Variants in ARL8A observed in about 807,000 individuals in gnomAD.
The protein encoded by ARL8A is ARF like GTPase 8A, also known as ADP-ribosylation factor-like protein 8A.
ARL8A carries 10 observed loss-of-function variants against 31.2 expected under a neutral mutation model. The observed-to-expected ratio is 0.32, with a 90% CI of 0.20 to 0.54. ARL8A has a LOEUF of 0.54. ARL8A is among the 20% of genes least tolerant of loss of function. The pLI is 0.93. For synonymous variants in ARL8A, 70 were observed against 86.9 expected (o/e 0.81, Z 1.08); for missense variants, 129 against 242.8 (o/e 0.53, Z 3.12).
In ARL8A at chr1:202,144,216, C is replaced by A. The variant is rs112856357; in HGVS notation, c.123+234G>T. Among the ~76,000 whole-genome samples, 7,882 of 152,134 alleles carry A rather than the reference C, an allele frequency of 0.052. 575 individuals carry two copies. Among genetic ancestry groups the A allele is most frequent in the African/African-American group, 0.15 (6,388 of 41,526 alleles). ...GTCTGTTCGTCCCCCTTCCCCTGCC[C>A]CCAGCCGTGCAGTACCGGCCCGGGT... On this transcript the variant is annotated intron_variant, in intron 1 of 6. Transcript: ENST00000272217. This position sits in a 1 kb window ranked among gnomAD's most constrained non-coding sequence, Gnocchi z 5.2.
In ARL8A at chr1:202,138,063, C is replaced by T. The variant is rs756723837; in HGVS notation, c.205-25G>A. The T allele has an allele frequency of 1.9e-6, 3 of 1,613,654 alleles. No homozygotes were observed. In the Admixed American group the frequency reaches 5.0e-5, roughly 27 times the overall value. ...GCTGAGCAAGAAGAGGGTGAGATAG[C>T]CTCAGTAGTGGGCAGGCCACCAAAA... On this transcript the variant is annotated intron_variant, in intron 2 of 6. Coordinates refer to ENST00000272217, the MANE Select transcript of ARL8A (RefSeq NM_138795.4). This position sits in a 1 kb window ranked among gnomAD's most constrained non-coding sequence, Gnocchi z 4.4.
chr1:202,134,652 C>A lies in ARL8A; in HGVS notation c.512-136G>T. 2.5e-6 allele frequency: 2 copies of A among 788,928 alleles called. No homozygotes were observed. The highest frequency in any genetic ancestry group is 2.5e-5 in the East Asian group (1 of 40,490). The allele number at this position is 788,928 out of a possible 1,614,324, so 48.9% of individuals were successfully genotyped here. A position where few individuals can be genotyped will look rare whatever the true frequency, so the allele number is the denominator to read the frequency against. Reference sequence around the variant, plus strand: ...AGGAGGGGTGGCGCACACCTGGAGTCTCAGCTACATGGGAAGCTCAGGTGA... The same window carrying A: ...AGGAGGGGTGGCGCACACCTGGAGTATCAGCTACATGGGAAGCTCAGGTGA... On this transcript the variant is annotated intron_variant, in intron 6 of 6. Coordinates refer to ENST00000272217, the MANE Select transcript of ARL8A (RefSeq NM_138795.4). This position sits in a 1 kb window ranked among gnomAD's most constrained non-coding sequence, Gnocchi z 4.2.
chr1:202,137,243 A>G (rs1446487723), intron 3 of ARL8A, among the ~76,000 whole-genome samples: 1 of 151,920 alleles, frequency 6.6e-6, no homozygotes, highest in East Asian at 1.9e-4. Flanking sequence ...GGCTGGCCCT[A>G]AACTCCTGGG....
intron 1 of ARL8A, among the ~76,000 whole-genome samples, chr1:202,139,091 T>C (rs1655094499): frequency 6.6e-6 from 1 of 152,162 alleles, no homozygotes; most frequent in East Asian, 1.9e-4. Flanking sequence ...CATTAGTAAA[T>C]GTTTGCTGAA....
chr1:202,139,638 T>C (rs1655113499), intron 1 of ARL8A, among the ~76,000 whole-genome samples: 1 of 116,678 alleles, frequency 8.6e-6, no homozygotes, highest in African/African-American at 3.4e-5. Context: ...GTTCCTTTTT[T>C]TTTTTTTTTT....
chr1:202,137,922 G>C, intron 3 of ARL8A, 43 bp downstream of exon 3: 1 of 1,608,686 alleles, frequency 6.2e-7, no homozygotes, highest in Non-Finnish European at 8.5e-7. Context: ...GGCTAGGGGG[G>C]CCGGGTAAGG....
rs1313626248 is a variant in ARL8A at position 202,144,486 on chromosome 1, C to T, written c.87G>A (p.Gln29=). The part of the protein sequence containing the change: ...EEMELTLVGL[Q]YSGKTTFVNV... ...TGACGAAGGTGGTCTTGCCCGAGTA[C>T]TGAAGCCCGACCAGCGTGAGCTCCA... The change falls in exon 1 of 7, where the codon CAG becomes CAA. Residue 29 remains glutamine, a synonymous_variant. Coordinates refer to ENST00000272217, the MANE Select transcript of ARL8A (RefSeq NM_138795.4). The surrounding 1 kb of genome is among the most constrained non-coding windows in gnomAD (Gnocchi z 5.2). 6.7e-7 allele frequency: 1 copy of T among 1,481,596 alleles called. No individual in the cohort carries two copies. The highest frequency in any genetic ancestry group is 9.1e-7 in the Non-Finnish European group (1 of 1,098,068). 91.8% of individuals were successfully genotyped at this position (1,481,596 alleles called of 1,614,324 possible).
At chr1:202,137,749 C>G (rs559351771) in intron 3 of ARL8A, among the ~76,000 whole-genome samples, 2 of 152,252 alleles carry the variant, frequency 1.3e-5, no homozygotes, top group Admixed American at 6.5e-5. Flanking sequence ...GGTTAATAGT[C>G]TATAGTCTGT....
chr1:202,138,273 G>A lies in ARL8A; in HGVS notation c.204+95C>T. The stretch of plus-strand genomic sequence containing the variant: ...GCCCCACTTCAGCTCGCTCCTCCCA[G>A]GGGCCTCCGTTGCCCTCCCCAACAC... On this transcript the variant is annotated intron_variant, in intron 2 of 6. Coordinates refer to ENST00000272217, the MANE Select transcript of ARL8A (RefSeq NM_138795.4). The surrounding 1 kb of genome is among the most constrained non-coding windows in gnomAD (Gnocchi z 4.4). 1 of 1,411,082 alleles carries A rather than the reference G, an allele frequency of 7.1e-7. No homozygotes were observed. Among genetic ancestry groups the A allele is most frequent in the Non-Finnish European group, 9.9e-7 (1 of 1,012,488 alleles). The allele number at this position is 1,411,082 out of a possible 1,614,324, so 87.4% of individuals were successfully genotyped here.
rs1654974367 is a variant in ARL8A at position 202,135,293 on chromosome 1, C to T, written c.441-73G>A. 8 of 1,520,104 alleles carry T rather than the reference C, an allele frequency of 5.3e-6. No individual in the cohort carries two copies. Among genetic ancestry groups the T allele is most frequent in the Non-Finnish European group, 7.3e-6 (8 of 1,095,496 alleles). 94.2% of individuals were successfully genotyped at this position (1,520,104 alleles called of 1,614,324 possible). ...GGCCTGGGGCTAGGGGACAGCGGGG[C>T]CTTTTTCTTACCTAAGAGGCTACAA... On this transcript the variant is annotated intron_variant, in intron 5 of 6. Transcript: ENST00000272217. The surrounding 1 kb of genome is among the most constrained non-coding windows in gnomAD (Gnocchi z 5.3).
rs925722403 is a variant in ARL8A at position 202,135,116 on chromosome 1, C to G, written c.511+34G>C. The G allele has an allele frequency of 2.4e-5, 38 of 1,591,394 alleles. No homozygotes were observed. In the Admixed American group the frequency reaches 4.0e-4, roughly 17 times the overall value. ...GCCACTAAAACACTCAGAAATGCCTCTCCCCTCTCCTCCCTTTCCCCCATC... is the reference window on the plus strand; with the variant it reads ...GCCACTAAAACACTCAGAAATGCCTGTCCCCTCTCCTCCCTTTCCCCCATC... On this transcript the variant is annotated intron_variant, in intron 6 of 6. Transcript: ENST00000272217. This position sits in a 1 kb window ranked among gnomAD's most constrained non-coding sequence, Gnocchi z 5.3.
Position 202,133,574 on chromosome 1 carries a change from A to G in ARL8A, c.*893T>C, listed in dbSNP as rs1354893163. Reference sequence around the variant, plus strand: ...ATCATTAAATTAAACAAATAAACAAACAGAACCCAAAGAACCAACCCCCCA... The same window carrying G: ...ATCATTAAATTAAACAAATAAACAAGCAGAACCCAAAGAACCAACCCCCCA... On this transcript the variant is annotated 3_prime_UTR_variant, in exon 7 of 7. Transcript: ENST00000272217. The G allele has an allele frequency of 1.3e-5, 2 of 152,116 alleles. No homozygotes were observed. The highest frequency in any genetic ancestry group is 2.9e-5 in the Non-Finnish European group (2 of 68,022). The allele number at this position is 152,116 out of a possible 1,614,324, so 9.4% of individuals were successfully genotyped here. A position where few individuals can be genotyped will look rare whatever the true frequency, so the allele number is the denominator to read the frequency against.
intron 1 of ARL8A, among the ~76,000 whole-genome samples, chr1:202,143,462 G>A (rs1369602349): frequency 6.6e-6 from 1 of 152,198 alleles, no homozygotes; most frequent in Non-Finnish European, 1.5e-5. Context: ...TCAGCTTTGG[G>A]ACTGGGGCCA....
chr1:202,139,632 C>CTTTTT (rs71141457), intron 1 of ARL8A, among the ~76,000 whole-genome samples: 1 of 50,532 alleles, frequency 2.0e-5, no homozygotes, highest in Non-Finnish European at 3.4e-5. Flanking sequence ...AGCCCTGTTC[C>CTTTTT]TTTTTTTTTT....
rs941945116 is a variant in ARL8A, at chr1:202,133,405, C to A, written c.*1062G>T. On this transcript the variant is annotated 3_prime_UTR_variant, in exon 7 of 7. Coordinates refer to ENST00000272217, the MANE Select transcript of ARL8A (RefSeq NM_138795.4). Reference sequence around the variant, plus strand: ...AAGTAACCAGCACCATACACCCCCCCCAACACAAAACTGGTCATTTATTTT... The same window carrying A: ...AAGTAACCAGCACCATACACCCCCCACAACACAAAACTGGTCATTTATTTT... The A allele has an allele frequency of 6.6e-6, 1 of 152,132 alleles. No homozygotes were observed. Among genetic ancestry groups the A allele is most frequent in the Non-Finnish European group, 1.5e-5 (1 of 68,034 alleles). The allele number at this position is 152,132 out of a possible 1,614,324, so 9.4% of individuals were successfully genotyped here. A position where few individuals can be genotyped will look rare whatever the true frequency, so the allele number is the denominator to read the frequency against.
chr1:202,134,580 G>C lies in ARL8A; in HGVS notation c.512-64C>G. On this transcript the variant is annotated intron_variant, in intron 6 of 6. Coordinates refer to ENST00000272217, the MANE Select transcript of ARL8A (RefSeq NM_138795.4). The surrounding 1 kb of genome is among the most constrained non-coding windows in gnomAD (Gnocchi z 4.2). ...GTACTGGCCGTGCTGGGGCAGCAGAGAGGCCCAAGAAACCAAACCTAAGGG... is the reference window on the plus strand; with the variant it reads ...GTACTGGCCGTGCTGGGGCAGCAGACAGGCCCAAGAAACCAAACCTAAGGG... The C allele has an allele frequency of 1.3e-6, 2 of 1,496,434 alleles. No individual in the cohort carries two copies. The highest frequency in any genetic ancestry group is 1.1e-5 in the South Asian group (1 of 88,696). 92.7% of individuals were successfully genotyped at this position (1,496,434 alleles called of 1,614,324 possible).
chr1:202,140,280 C>T (rs1374627420), intron 1 of ARL8A, among the ~76,000 whole-genome samples: 1 of 150,846 alleles, frequency 6.6e-6, no homozygotes, highest in African/African-American at 2.4e-5. Flanking sequence ...CAGGCGCGTG[C>T]CACCATGCCT....
rs552398596 is a variant in ARL8A at position 202,134,466 on chromosome 1, C to T, written c.*1G>A. 6.2e-7 allele frequency: 1 copy of T among 1,612,976 alleles called. No homozygotes were observed. Among genetic ancestry groups the T allele is most frequent in the South Asian group, 1.1e-5 (1 of 91,070 alleles). Reference sequence around the variant, plus strand: ...TGGTCTGAGGGAGAAGGGCTGGAGTCTCAGCTTCTCCGTGACTTCGAGTGT... The same window carrying T: ...TGGTCTGAGGGAGAAGGGCTGGAGTTTCAGCTTCTCCGTGACTTCGAGTGT... On this transcript the variant is annotated 3_prime_UTR_variant, in exon 7 of 7. Coordinates refer to ENST00000272217, the MANE Select transcript of ARL8A (RefSeq NM_138795.4). This position sits in a 1 kb window ranked among gnomAD's most constrained non-coding sequence, Gnocchi z 4.2.
At chr1:202,140,135 C>CTT (rs148146346) in intron 1 of ARL8A, among the ~76,000 whole-genome samples, 56 of 145,088 alleles carry the variant, frequency 3.9e-4, no homozygotes, top group South Asian at 6.6e-4. Flanking sequence ...CTTTGATTCC[C>CTT]TTTTTTTTTT....
Sources: allele counts gnomAD v4.1 joint callset (sites outside exome capture counted in the v4.1 genomes callset), GRCh38; gene constraint gnomAD v4.1.1; non-coding constraint Gnocchi (gnomAD v3.1); transcripts MANE v1.5; gene names NCBI Gene and HGNC (gene_info 2026-07-23, HGNC 2026-07-21).